Variants in RMDN2 observed in about 807,000 individuals in gnomAD.
The protein encoded by RMDN2 is regulator of microtubule dynamics 2, also known as regulator of microtubule dynamics protein 2.
A neutral mutation model predicts 52.8 loss-of-function variants in RMDN2; 61 were observed. That is an observed-to-expected ratio of 1.16 (90% CI 0.94 to 1.43). The LOEUF (loss-of-function observed/expected upper bound fraction) is 1.43, where lower values mean the gene tolerates loss of function less well. RMDN2 is among the 40% of genes most tolerant of loss of function. The probability of loss-of-function intolerance (pLI) is 0.00; values close to 1 mark genes in which losing one functional copy is unlikely to be tolerated. For missense variants in RMDN2, 592 were observed against 475.3 expected (o/e 1.25, Z -2.28); for synonymous variants, 180 against 153.1 (o/e 1.18, Z -1.30).
Position 38,017,302 on chromosome 2 carries a change from T to G in RMDN2, c.*63T>G, listed in dbSNP as rs1187684211. 7 of 1,468,304 alleles carry G rather than the reference T, an allele frequency of 4.8e-6. No homozygotes were observed. Among genetic ancestry groups the G allele is most frequent in the Non-Finnish European group, 5.4e-6 (6 of 1,105,894 alleles). The allele number at this position is 1,468,304 out of a possible 1,614,324, so 91.0% of individuals were successfully genotyped here. On this transcript the variant is annotated 3_prime_UTR_variant, in exon 11 of 11. Transcript: ENST00000354545. ...TACCAAAATTTAAATGAATCAAAGT[T>G]GTGCTTTTATTATCCTTCATTTTTG...
At chr2:38,006,262 G>A (rs1178662037) in intron 10 of RMDN2, among the ~76,000 whole-genome samples, 1 of 152,058 alleles carries the variant, frequency 6.6e-6, no homozygotes, top group Non-Finnish European at 1.5e-5. Flanking sequence ...AGCTTGATGG[G>A]GATGACATTG....
chr2:38,042,942 C>T (rs1480832852), intron 10 of RMDN2, among the ~76,000 whole-genome samples: 1 of 152,080 alleles, frequency 6.6e-6, no homozygotes, highest in Non-Finnish European at 1.5e-5. Context: ...GTGAATGTTC[C>T]ATGTGACCTA....
intron 2 of RMDN2, among the ~76,000 whole-genome samples, chr2:37,941,526 G>C (rs550559943): frequency 1.9e-4 from 29 of 152,228 alleles, no homozygotes; most frequent in African/African-American, 6.8e-4. Context: ...TCTGTCCCAG[G>C]GAAACTGGAG....
At chr2:37,988,414 C>A (rs993635621) in intron 5 of RMDN2, among the ~76,000 whole-genome samples, 5 of 152,106 alleles carry the variant, frequency 3.3e-5, no homozygotes, top group African/African-American at 1.2e-4. Context: ...TGGTCCTCCT[C>A]CTTGCTTTTA....
intron 5 of RMDN2, 58 bp downstream of exon 5, chr2:37,981,401 A>G: frequency 1.7e-6 from 2 of 1,166,394 alleles, no homozygotes; most frequent in South Asian, 2.5e-5. Flanking sequence ...TTATAAATTA[A>G]ATGGATTTTT....
chr2:38,062,769 T>TC (rs1392724711), intron 10 of RMDN2, among the ~76,000 whole-genome samples: 1,488 of 109,816 alleles, frequency 0.014, 14 homozygotes, highest in Non-Finnish European at 0.02. Context: ...CCTCCCCCCT[T>TC]CCCCCCCCCC....
intron 2 of RMDN2, among the ~76,000 whole-genome samples, chr2:37,932,218 A>G (rs559257776): frequency 1.5e-3 from 218 of 149,732 alleles, no homozygotes; most frequent in Non-Finnish European, 2.2e-3. Context: ...GGCCTTCCGC[A>G]GTGTTTGTGT....
chr2:38,032,458 T>G (rs1680277518), intron 10 of RMDN2, among the ~76,000 whole-genome samples: 1 of 152,258 alleles, frequency 6.6e-6, no homozygotes, highest in Non-Finnish European at 1.5e-5. Context: ...TAGTATTGCA[T>G]AGCTTGAATA....
chr2:37,937,131 A>G (rs992299197), intron 2 of RMDN2, among the ~76,000 whole-genome samples: 1 of 152,100 alleles, frequency 6.6e-6, no homozygotes, highest in Non-Finnish European at 1.5e-5. Context: ...ATGGCTAGCC[A>G]GTTTTCCCAA....
chr2:38,017,499 C>A lies in RMDN2; in HGVS notation c.*260C>A. On this transcript the variant is annotated 3_prime_UTR_variant, in exon 11 of 11. Transcript: ENST00000354545. Reference sequence around the variant, plus strand: ...TATTTTTCTTATCAATAAACTGCAGCCTTAAGAATATTTCTTTAAATAAAA... The same window carrying A: ...TATTTTTCTTATCAATAAACTGCAGACTTAAGAATATTTCTTTAAATAAAA... 1.8e-6 allele frequency: 2 copies of A among 1,087,218 alleles called. No homozygotes were observed. Among genetic ancestry groups the A allele is most frequent in the Non-Finnish European group, 2.4e-6 (2 of 817,216 alleles). 67.3% of individuals were successfully genotyped at this position (1,087,218 alleles called of 1,614,324 possible). A position where few individuals can be genotyped will look rare whatever the true frequency, so the allele number is the denominator to read the frequency against.
chr2:38,063,472 C>T (rs1246614161), intron 10 of RMDN2, among the ~76,000 whole-genome samples: 7 of 152,198 alleles, frequency 4.6e-5, no homozygotes, highest in Non-Finnish European at 7.4e-5. Context: ...TAGGCAATAC[C>T]ATTCAGGACA....
At chr2:37,966,566 G>T (rs1192423334) in intron 2 of RMDN2, among the ~76,000 whole-genome samples, 1 of 151,976 alleles carries the variant, frequency 6.6e-6, no homozygotes, top group Non-Finnish European at 1.5e-5. Context: ...GCTTCATGAG[G>T]CCCCGTAGGT....
intron 2 of RMDN2, among the ~76,000 whole-genome samples, chr2:37,959,204 T>C (rs1669870707): frequency 6.6e-6 from 1 of 151,058 alleles, no homozygotes; most frequent in Admixed American, 6.6e-5. Context: ...TTTCTGTTGT[T>C]TGGAATAGCT....
chr2:37,994,876 C>G (rs979313094), intron 7 of RMDN2, among the ~76,000 whole-genome samples: 2 of 152,130 alleles, frequency 1.3e-5, no homozygotes, highest in African/African-American at 4.8e-5. Flanking sequence ...ATGCATGACT[C>G]TTCAAAGCAT....
At chr2:38,064,252 T>G (rs1558597878) in intron 10 of RMDN2, among the ~76,000 whole-genome samples, 2 of 152,086 alleles carry the variant, frequency 1.3e-5, no homozygotes, top group Admixed American at 6.6e-5. Context: ...GTAATCCCAG[T>G]ACTTTGGGAG....
intron 2 of RMDN2, among the ~76,000 whole-genome samples, chr2:37,964,415 T>C (rs571415798): frequency 6.6e-6 from 1 of 152,382 alleles, no homozygotes; most frequent in Admixed American, 6.5e-5. Context: ...TTTTCTTATT[T>C]GCCTTGTGAT....
chr2:38,030,250 CTGTT>C (rs908886321), intron 10 of RMDN2: 11 of 152,192 alleles, frequency 7.2e-5, no homozygotes, highest in African/African-American at 2.7e-4. Context: ...TTATTTTTTA[CTGTT>C]ACACCCTTCA....
chr2:37,950,982 G>A (rs1668704995), intron 2 of RMDN2, among the ~76,000 whole-genome samples: 1 of 151,914 alleles, frequency 6.6e-6, no homozygotes, highest in Non-Finnish European at 1.5e-5. Context: ...CTCTTCCCAA[G>A]GTTTAATAGA....
chr2:37,926,020 G>C (rs1666249831), intron 1 of RMDN2, among the ~76,000 whole-genome samples: 1 of 152,142 alleles, frequency 6.6e-6, no homozygotes, highest in Non-Finnish European at 1.5e-5. Flanking sequence ...AATTCACTTC[G>C]AAAGTACCAG....
Sources: allele counts gnomAD v4.1 joint callset (sites outside exome capture counted in the v4.1 genomes callset), GRCh38; gene constraint gnomAD v4.1.1; transcripts MANE v1.5; gene names NCBI Gene and HGNC (gene_info 2026-07-23, HGNC 2026-07-21).